The following ALOXE3 variants were observed in gnomAD, a reference collection of about 807,000 sequenced individuals.
ALOXE3 encodes hydroperoxide isomerase ALOXE3.
A neutral mutation model predicts 87.5 loss-of-function variants in ALOXE3; 78 were observed. The ratio of observed to expected loss-of-function variants is 0.89; its 90% CI spans 0.74 to 1.08. ALOXE3 has a LOEUF of 1.08. ALOXE3 is among the 50% of genes least tolerant of loss of function. The probability of loss-of-function intolerance (pLI) is 0.00; values close to 1 mark genes in which losing one functional copy is unlikely to be tolerated. For missense variants in ALOXE3, 946 were observed against 912.4 expected (o/e 1.04, Z -0.47); for synonymous variants, 363 against 370.8 (o/e 0.98, Z 0.24).
intron 6 of ALOXE3, 23 bp downstream of exon 6, chr17:8,114,461 C>T (rs1980394885): frequency 6.2e-7 from 1 of 1,613,384 alleles, no homozygotes; most frequent in African/African-American, 1.3e-5. Context: ...GTAAGATGTT[C>T]ATTAGAGGGA....
In ALOXE3 at chr17:8,096,462, GT is replaced by G. The variant is rs1978545614; in HGVS notation, c.*164del. On this transcript the variant is annotated 3_prime_UTR_variant, in exon 16 of 16. Coordinates refer to ENST00000448843, the MANE Select transcript of ALOXE3 (RefSeq NM_021628.3). ...CTGGTCTCTCACAGCTCAGGGCCCA[GT>G]TTGTATGATGTCAGAGCCATCTTGG... is the stretch of plus-strand genomic sequence containing the variant. The G allele has an allele frequency of 1.5e-6, 1 of 660,310 alleles. No homozygotes were observed. Among genetic ancestry groups the G allele is most frequent in the Non-Finnish European group, 2.8e-6 (1 of 362,666 alleles). 40.9% of individuals were successfully genotyped at this position (660,310 alleles called of 1,614,324 possible). A position where few individuals can be genotyped will look rare whatever the true frequency, so the allele number is the denominator to read the frequency against.
At chr17:8,110,043 A>G in intron 10 of ALOXE3, 41 bp from the exon 11 acceptor site, 1 of 1,576,372 alleles carries the variant, frequency 6.3e-7, no homozygotes, top group Non-Finnish European at 8.6e-7. Flanking sequence ...GGCCGGGGAC[A>G]AGGCCGCCCG....
intron 2 of ALOXE3, 115 bp downstream of exon 2, chr17:8,117,729 G>A: frequency 6.5e-7 from 1 of 1,533,184 alleles, no homozygotes; most frequent in Non-Finnish European, 8.7e-7. Context: ...AAGGTGAGGA[G>A]GTCAGGGCCG....
intron 13 of ALOXE3, 99 bp from the exon 14 acceptor site, chr17:8,104,314 G>C (rs1440029786): frequency 2.3e-6 from 2 of 883,450 alleles, no homozygotes; most frequent in Non-Finnish European, 3.7e-6. Context: ...AAGTGAGGAA[G>C]TAGGGAACAC....
At chr17:8,112,457 C>T (rs1487893254) in intron 6 of ALOXE3, among the ~76,000 whole-genome samples, 1 of 152,178 alleles carries the variant, frequency 6.6e-6, no homozygotes, top group Non-Finnish European at 1.5e-5. Flanking sequence ...TGCAGACAAG[C>T]CACCCTCACT....
In ALOXE3 at chr17:8,108,456, G is replaced by T. The variant is rs1979698916; in HGVS notation, c.1684+12C>A. On this transcript the variant is annotated intron_variant, in intron 13 of 15. Coordinates refer to ENST00000448843, the MANE Select transcript of ALOXE3 (RefSeq NM_021628.3). Reference sequence around the variant, plus strand: ...TCAGAGCTACACGGAAAGTGGGATAGAGAGGGGATACCTGAGCTTTCCCGG... The same window carrying T: ...TCAGAGCTACACGGAAAGTGGGATATAGAGGGGATACCTGAGCTTTCCCGG... 4 of 1,611,934 alleles carry T rather than the reference G, an allele frequency of 2.5e-6. No individual in the cohort carries two copies. The African/African-American group carries it at 5.3e-5, about 22-fold the overall frequency.
At chr17:8,115,811 G>T in intron 3 of ALOXE3, 123 bp from the exon 4 acceptor site, 1 of 921,884 alleles carries the variant, frequency 1.1e-6, no homozygotes, top group Non-Finnish European at 1.8e-6. Context: ...GAAACACGTG[G>T]CGGTGCCCCC....
chr17:8,117,705 G>A, intron 2 of ALOXE3, 139 bp downstream of exon 2: 1 of 1,498,726 alleles, frequency 6.7e-7, no homozygotes, highest in Non-Finnish European at 8.9e-7. Context: ...GGAAAGACAG[G>A]GACCTCAATA....
intron 6 of ALOXE3, 105 bp from the exon 7 acceptor site, chr17:8,112,301 G>A: frequency 1.2e-6 from 1 of 836,910 alleles, no homozygotes; most frequent in East Asian, 2.4e-5. Flanking sequence ...CATCCCCAGA[G>A]TAGAGATGCC....
chr17:8,096,744 G>A lies in ALOXE3; in HGVS notation c.2019C>T (p.Ala673=), dbSNP rs148295244. The A allele has an allele frequency of 2.6e-3, 4,233 of 1,614,174 alleles. 25 individuals carry two copies. Among genetic ancestry groups the A allele is most frequent in the African/African-American group, 0.022 (1,619 of 75,052 alleles). The change falls in exon 16 of 16, where the codon GCC becomes GCT. Residue 673 remains alanine, a synonymous_variant. Transcript: ENST00000448843. Reference sequence around the variant, plus strand: ...TCTGGGCCAGGCGGCTCTGGAAGGCGGCGATGCTCCGCCTCGGGGCCTCCT... The same window carrying A: ...TCTGGGCCAGGCGGCTCTGGAAGGCAGCGATGCTCCGCCTCGGGGCCTCCT... ...FTEEAPRRSI[A]AFQSRLAQIS... is the part of the protein sequence containing the mutation.
At chr17:8,107,897 GA>G (rs1356993530) in intron 13 of ALOXE3, among the ~76,000 whole-genome samples, 1 of 4,806 alleles carries the variant, frequency 2.1e-4, no homozygotes, top group African/African-American at 8.2e-4. Flanking sequence ...AAGAAAGAAA[GA>G]AAGAAAGAAA....
At chr17:8,111,577 T>A (rs759442876) in intron 7 of ALOXE3, 46 bp from the exon 8 acceptor site, 51 of 1,600,128 alleles carry the variant, frequency 3.2e-5, no homozygotes, top group Non-Finnish European at 3.9e-5. Context: ...ACTACTTCCC[T>A]AGATCCTAGT....
At chr17:8,110,321 A>G in intron 9 of ALOXE3, 26 bp from the exon 10 acceptor site, 1 of 1,612,170 alleles carries the variant, frequency 6.2e-7, no homozygotes, top group Non-Finnish European at 8.5e-7. Context: ...ACGAGGGATG[A>G]TGGGGCTCCG....
chr17:8,107,839 A>AG (rs1567996048), intron 13 of ALOXE3, among the ~76,000 whole-genome samples: 2 of 4,332 alleles, frequency 4.6e-4, no homozygotes, highest in South Asian at 6.3e-3. Context: ...GAAAGAAAGA[A>AG]AGAAAGAAAG....
chr17:8,110,177 G>A lies in ALOXE3; in HGVS notation c.1220C>T (p.Thr407Met), dbSNP rs540629378. ...NSEFLVHENN[T>M]HFLCTHLLCE... ...CAGCAAATGCGTGCACAGAAAGTGCGTGTTGTTTTCGTGCACCAGGAACTC... is the reference window on the plus strand; with the variant it reads ...CAGCAAATGCGTGCACAGAAAGTGCATGTTGTTTTCGTGCACCAGGAACTC... Residue 407 changes from threonine to methionine, a missense_variant, in exon 10 of 16, where the codon ACG becomes ATG. Coordinates refer to ENST00000448843, the MANE Select transcript of ALOXE3 (RefSeq NM_021628.3). The A allele has an allele frequency of 1.8e-5, 29 of 1,614,108 alleles. No homozygotes were observed. The highest frequency in any genetic ancestry group is 1.2e-4 in the Admixed American group (7 of 60,030).
chr17:8,101,282 C>T (rs757224739), intron 15 of ALOXE3, among the ~76,000 whole-genome samples: 11 of 152,308 alleles, frequency 7.2e-5, no homozygotes, highest in Non-Finnish European at 1.3e-4. Context: ...CCCACCTCGG[C>T]CTCCCAATGT....
At position 8,108,067 on chromosome 17, in the gene ALOXE3, G is replaced by GAAAGAAAGAAAT. The variant is rs1429262328; in HGVS notation, c.1684+400_1684+401insATTTCTTTCTTT. Among the ~76,000 whole-genome samples the GAAAGAAAGAAAT allele has an allele frequency of 2.6e-4, 15 of 58,292 alleles. 3 individuals carry two copies. Among genetic ancestry groups the GAAAGAAAGAAAT allele is most frequent in the South Asian group, 1.0e-3 (2 of 1,916 alleles). The allele number at this position is 58,292 out of a possible 152,430, so 38.2% of individuals were successfully genotyped here. ...AGAAAGAAAGAAAGAAAGAAAGAAA[G>GAAAGAAAGAAAT]GAAGAGAGGTTGGTGGCTGGAGGGG... On this transcript the variant is annotated intron_variant, in intron 13 of 15. Transcript: ENST00000448843.
At chr17:8,107,801 A>C (rs1363664798) in intron 13 of ALOXE3, among the ~76,000 whole-genome samples, 1 of 36,612 alleles carries the variant, frequency 2.7e-5, no homozygotes, top group Admixed American at 2.0e-4. Context: ...TCCGTCTCAA[A>C]AAAAAAAACA....
Position 8,109,205 on chromosome 17 carries a change from C to T in ALOXE3, c.1531G>A (p.Asp511Asn), listed in dbSNP as rs761332889. ...LAIPNYHYRD[D>N]GLKIWAAIES... ...ATGGCCGCCCAGATCTTCAGGCCGT[C>T]GTCTCGGTAGTGGTAGTTGGGGATA... The change falls in exon 12 of 16, where the codon GAC becomes AAC. Residue 511 changes from aspartate to asparagine, a missense_variant. Asp to Asn is a conservative substitution (Grantham distance 23, BLOSUM62 1). Transcript: ENST00000448843. 4 of 1,613,884 alleles carry T rather than the reference C, an allele frequency of 2.5e-6. No individual in the cohort carries two copies. The highest frequency in any genetic ancestry group is 4.5e-5 in the East Asian group (2 of 44,866).
Sources: allele counts gnomAD v4.1 joint callset (sites outside exome capture counted in the v4.1 genomes callset), GRCh38; gene constraint gnomAD v4.1.1; transcripts MANE v1.5; gene names NCBI Gene and HGNC (gene_info 2026-07-23, HGNC 2026-07-21).